The following CDS2 variants were observed in gnomAD, a reference collection of about 807,000 sequenced individuals.
CDS2 encodes the protein CDP-diacylglycerol synthase 2.
CDS2 carries 47 observed loss-of-function variants against 59.0 expected under a neutral mutation model. The observed-to-expected ratio is 0.80, with a 90% confidence interval of 0.63 to 1.02. The LOEUF (loss-of-function observed/expected upper bound fraction) is 1.02. CDS2 is among the 50% of genes least tolerant of loss of function. The probability of loss-of-function intolerance (pLI) is 0.00; values close to 1 mark genes in which losing one functional copy is unlikely to be tolerated. For missense variants in CDS2, 356 were observed against 558.9 expected, an observed-to-expected ratio of 0.64 and a Z score of 3.66; for synonymous variants, 207 against 206.4, an observed-to-expected ratio of 1.00 and a Z score of -0.02.
chr20:5,159,184 T>C (rs1218528369), intron 1 of CDS2, among the ~76,000 whole-genome samples: 1 of 152,142 alleles, frequency 6.6e-6, no homozygotes, highest in Non-Finnish European at 1.5e-5. Flanking sequence ...TTAATATATA[T>C]TTTAAATTAT....
At chr20:5,187,646 C>G (rs553295404) in intron 10 of CDS2, 1 of 152,036 alleles carries the variant, frequency 6.6e-6, no homozygotes, top group East Asian at 1.9e-4. Flanking sequence ...TTTGGAAGGC[C>G]GAGGCAGGCA....
At chr20:5,169,202 C>G (rs1350975156) in intron 1 of CDS2, among the ~76,000 whole-genome samples, 1 of 152,192 alleles carries the variant, frequency 6.6e-6, no homozygotes, top group East Asian at 1.9e-4. Context: ...AGGGTCTGCC[C>G]CACCTGGCCT....
chr20:5,155,621 G>T (rs1015023614), intron 1 of CDS2, among the ~76,000 whole-genome samples: 2 of 152,102 alleles, frequency 1.3e-5, no homozygotes, highest in African/African-American at 2.4e-5. Context: ...TGCCTCTCTC[G>T]TAGGGATATA....
At chr20:5,178,769 G>A (rs1413177796) in intron 4 of CDS2, 48 bp from the exon 5 acceptor site, 1 of 1,605,726 alleles carries the variant, frequency 6.2e-7, no homozygotes, top group Non-Finnish European at 8.5e-7. Flanking sequence ...CTGCCTTGCT[G>A]TGAAGGCAAG....
chr20:5,176,226 C>G (rs2090994001), intron 3 of CDS2: 1 of 162,322 alleles, frequency 6.2e-6, no homozygotes, highest in Admixed American at 5.9e-5. Context: ...CGAGACCAGC[C>G]TGGGAAAGAA....
Position 5,191,101 on chromosome 20 carries a change from AGG to A in CDS2, c.*869_*870del. ...GACTTTCTCATCGGGCAGGGAGCAG[AGG>A]GCTTCTCGTTCATGCACCCTTTGCC... On this transcript the variant is annotated 3_prime_UTR_variant, in exon 13 of 13. Transcript: ENST00000460006. The A allele has an allele frequency of 6.5e-6, 1 of 152,720 alleles. No homozygotes were observed. Among genetic ancestry groups the A allele is most frequent in the South Asian group, 2.1e-4 (1 of 4,820 alleles). The allele number at this position is 152,720 out of a possible 1,614,324, so 9.5% of individuals were successfully genotyped here.
intron 6 of CDS2, 39 bp from the exon 7 acceptor site, chr20:5,183,022 T>C: frequency 1.3e-6 from 2 of 1,544,198 alleles, no homozygotes; most frequent in Non-Finnish European, 1.8e-6. Flanking sequence ...ACTTTCAAGG[T>C]AAACTGGTAA....
chr20:5,158,298 T>G (rs1223240832), intron 1 of CDS2, among the ~76,000 whole-genome samples: 3 of 151,920 alleles, frequency 2.0e-5, no homozygotes, highest in Non-Finnish European at 4.4e-5. Context: ...GCCTCTTGAG[T>G]AGCTGGGATT....
intron 10 of CDS2, chr20:5,187,139 A>G (rs1242359309): frequency 6.0e-6 from 2 of 334,618 alleles, no homozygotes; most frequent in Non-Finnish European, 1.1e-5. Flanking sequence ...CTGTTTCATA[A>G]TTAGACTATG....
chr20:5,170,059 C>A (rs2123033299), intron 1 of CDS2, among the ~76,000 whole-genome samples: 1 of 152,128 alleles, frequency 6.6e-6, no homozygotes, highest in East Asian at 1.9e-4. Context: ...TTTTCATAGC[C>A]TTTCATCGGG....
intron 3 of CDS2, 110 bp from the exon 4 acceptor site, chr20:5,176,538 C>G (rs1288796152): frequency 8.7e-6 from 7 of 804,652 alleles, no homozygotes; most frequent in Non-Finnish European, 1.5e-5. Context: ...ACTGGAGGCC[C>G]GATATTTTTC....
Position 5,181,251 on chromosome 20 carries a change from C to G in CDS2, c.530-1136C>G, listed in dbSNP as rs141424393. On this transcript the variant is annotated intron_variant, in intron 5 of 12. Transcript: ENST00000460006. The stretch of plus-strand genomic sequence containing the variant: ...TCTTCTGAGCTGCAGCCAGAGATCA[C>G]TGGTTGGTTCACAGGAACAAGCAGT... Among the ~76,000 whole-genome samples, 21 of 152,332 alleles carry G rather than the reference C, an allele frequency of 1.4e-4. No homozygotes were observed. The East Asian group carries it at 3.9e-3, about 28-fold the overall frequency.
chr20:5,148,793 A>G (rs1395832125), intron 1 of CDS2, among the ~76,000 whole-genome samples: 1 of 152,202 alleles, frequency 6.6e-6, no homozygotes, highest in Admixed American at 6.5e-5. Context: ...GTTTTCTCAC[A>G]GGGATGTCAG....
intron 5 of CDS2, 148 bp downstream of exon 5, chr20:5,179,104 G>T: frequency 1.6e-6 from 1 of 636,428 alleles, no homozygotes; most frequent in Non-Finnish European, 2.7e-6. Flanking sequence ...TCTATGTTAA[G>T]CTGTAGCAGC....
chr20:5,188,102 C>G (rs575512799), intron 10 of CDS2, among the ~76,000 whole-genome samples: 2 of 151,366 alleles, frequency 1.3e-5, no homozygotes, highest in Non-Finnish European at 2.9e-5. Context: ...AGAAAAAACA[C>G]AAACATATTT....
At chr20:5,141,347 G>A (rs1005173611) in intron 1 of CDS2, among the ~76,000 whole-genome samples, 2 of 152,196 alleles carry the variant, frequency 1.3e-5, no homozygotes, top group Non-Finnish European at 2.9e-5. Context: ...TCCATGCAAT[G>A]TGTGCATCTA....
In CDS2 at chr20:5,184,048, G is replaced by A. The variant is rs1181964266; in HGVS notation, c.672-810G>A. 6.6e-6 allele frequency among the ~76,000 whole-genome samples: 1 copy of A among 152,134 alleles called. No individual in the cohort carries two copies. The highest frequency in any genetic ancestry group is 2.4e-5 in the African/African-American group (1 of 41,426). On this transcript the variant is annotated intron_variant, in intron 7 of 12. Transcript: ENST00000460006. The surrounding 1 kb of genome is among the most constrained non-coding windows in gnomAD (Gnocchi z 4.3). ...GGCGTGGCAGGTGCCTGTAATCCTA[G>A]CTATTCCGGAGGCTGAGGCAGGAGA... is the stretch of plus-strand genomic sequence containing the variant.
rs769070167 is a variant in CDS2, at chr20:5,190,248, C to T, written c.*14C>T. The stretch of plus-strand genomic sequence containing the variant: ...GAGGACGAGTAGGGGCCACCCAGGG[C>T]CAGGAGAACAGGAACAGAACTGAGC... On this transcript the variant is annotated 3_prime_UTR_variant, in exon 13 of 13. Coordinates refer to ENST00000460006, the MANE Select transcript of CDS2 (RefSeq NM_003818.4). The T allele has an allele frequency of 6.2e-7, 1 of 1,611,372 alleles. No individual in the cohort carries two copies. Among genetic ancestry groups the T allele is most frequent in the Non-Finnish European group, 8.5e-7 (1 of 1,178,566 alleles).
chr20:5,158,482 A>G (rs1421221224), intron 1 of CDS2, among the ~76,000 whole-genome samples: 1 of 152,134 alleles, frequency 6.6e-6, no homozygotes, highest in Non-Finnish European at 1.5e-5. Flanking sequence ...GGCCTAGGTC[A>G]TCATTTTTTA....
Sources: gnomAD v4.1 joint callset for allele counts (sites outside exome capture counted in the v4.1 genomes callset) on GRCh38, gnomAD v4.1.1 for gene constraint, Gnocchi (gnomAD v3.1) non-coding constraint, MANE v1.5 for transcripts, NCBI Gene and HGNC (gene_info 2026-07-23, HGNC 2026-07-21) for gene names.